Variants in KCNMA1 observed in about 807,000 individuals in gnomAD.
KCNMA1 encodes Calcium-activated potassium channel subunit alpha-1.
Under a neutral mutation model 140.0 loss-of-function variants are expected in KCNMA1, and 29 were observed. The ratio of observed to expected loss-of-function variants is 0.21; its 90% CI spans 0.15 to 0.28. The LOEUF (loss-of-function observed/expected upper bound fraction) is 0.28, where lower values mean the gene tolerates loss of function less well. KCNMA1 is among the 10% of genes least tolerant of loss of function. The pLI is 1.00. For synonymous variants in KCNMA1, 612 were observed against 611.9 expected, an observed-to-expected ratio of 1.00 and a Z score of 0.00; for missense variants, 880 against 1,602.2, an observed-to-expected ratio of 0.55 and a Z score of 7.70.
Position 77,039,883 on chromosome 10 carries a change from C to CTTTTTT in KCNMA1, c.1750-252_1750-247dup, listed in dbSNP as rs34943268. On this transcript the variant is annotated intron_variant, in intron 14 of 27. Transcript: ENST00000286628. Reference sequence around the variant, plus strand: ...TCTTTCCTTTTTCTTTTTTCTTTTTCTTTTTTTTTTTTTTTTTTTTTTTGA... The same window carrying CTTTTTT: ...TCTTTCCTTTTTCTTTTTTCTTTTTCTTTTTTTTTTTTTTTTTTTTTTTTTTTTTGA... Among the ~76,000 whole-genome samples, 197 of 78,968 alleles carry CTTTTTT rather than the reference C, an allele frequency of 2.5e-3. 2 individuals carry two copies. The highest frequency in any genetic ancestry group is 4.6e-3 in the South Asian group (8 of 1,740). The allele number at this position is 78,968 out of a possible 152,430, so 51.8% of individuals were successfully genotyped here. A position where few individuals can be genotyped will look rare whatever the true frequency, so the allele number is the denominator to read the frequency against.
chr10:77,210,201 A>G (rs2045599920), intron 3 of KCNMA1, among the ~76,000 whole-genome samples: 1 of 152,248 alleles, frequency 6.6e-6, no homozygotes, highest in South Asian at 2.1e-4. Flanking sequence ...TGGCACATCA[A>G]AAAGTTAATT....
chr10:77,304,316 A>C (rs1336226051), intron 2 of KCNMA1: 3 of 152,244 alleles, frequency 2.0e-5, no homozygotes, highest in Non-Finnish European at 4.4e-5. Context: ...GAGAGCCAAT[A>C]AGTGTGTCTT....
chr10:77,503,453 T>C (rs1484998287), intron 1 of KCNMA1, among the ~76,000 whole-genome samples: 2 of 152,174 alleles, frequency 1.3e-5, no homozygotes, highest in Non-Finnish European at 2.9e-5. Flanking sequence ...GGATTCTCCG[T>C]CCACCCAGCT....
chr10:77,200,898 C>G lies in KCNMA1; in HGVS notation c.603-15982G>C, dbSNP rs142659896. On this transcript the variant is annotated intron_variant, in intron 3 of 27. Coordinates refer to ENST00000286628, the MANE Select transcript of KCNMA1 (RefSeq NM_001161352.2). ...CTTCTGCTGCATCCACTATTAATTA[C>G]CTAAAGAACTTGGTTAGTCATACCG... 2.0e-5 allele frequency among the ~76,000 whole-genome samples: 3 copies of G among 152,200 alleles called. No homozygotes were observed. The East Asian group carries it at 5.8e-4, about 29-fold the overall frequency.
intron 2 of KCNMA1, among the ~76,000 whole-genome samples, chr10:77,324,858 T>C (rs2083426226): frequency 6.6e-6 from 1 of 152,034 alleles, no homozygotes. Flanking sequence ...CTCCAAGTTA[T>C]CTGGGTTGGG....
intron 29 of KCNMA1, among the ~76,000 whole-genome samples, chr10:76,878,532 A>G (rs2033128851): frequency 6.6e-6 from 1 of 152,206 alleles, no homozygotes; most frequent in South Asian, 2.1e-4. Flanking sequence ...AATGTTTTAA[A>G]GAGGATTTTG....
At chr10:77,209,927 C>G (rs1291020346) in intron 3 of KCNMA1, among the ~76,000 whole-genome samples, 1 of 135,770 alleles carries the variant, frequency 7.4e-6, no homozygotes, top group East Asian at 2.0e-4. Flanking sequence ...AACCTACCAA[C>G]CAAAAAAAAA....
chr10:77,093,554 C>G (rs2096863661), intron 9 of KCNMA1, among the ~76,000 whole-genome samples: 1 of 152,174 alleles, frequency 6.6e-6, no homozygotes, highest in Non-Finnish European at 1.5e-5. Context: ...AGGAGATCTG[C>G]TTCCGCCAGC....
intron 20 of KCNMA1, among the ~76,000 whole-genome samples, chr10:76,968,484 T>C (rs1282912279): frequency 1.3e-5 from 2 of 152,208 alleles, no homozygotes; most frequent in Non-Finnish European, 2.9e-5. Flanking sequence ...CAGACTTCTC[T>C]TTATTTATTT....
intron 3 of KCNMA1, among the ~76,000 whole-genome samples, chr10:77,242,186 A>C (rs1439011219): frequency 6.6e-6 from 1 of 152,214 alleles, no homozygotes. Flanking sequence ...ATGCTTCTGG[A>C]AATTTCCAAA....
chr10:77,027,474 T>A (rs1191116903), intron 16 of KCNMA1, among the ~76,000 whole-genome samples: 1 of 152,166 alleles, frequency 6.6e-6, no homozygotes, highest in Non-Finnish European at 1.5e-5. Flanking sequence ...GTCCACCTGC[T>A]TTTTTGCTCA....
At chr10:76,969,775 C>G (rs2075453487) in intron 20 of KCNMA1, among the ~76,000 whole-genome samples, 199 bp downstream of exon 20, 3 of 152,176 alleles carry the variant, frequency 2.0e-5, no homozygotes, top group African/African-American at 7.2e-5. Flanking sequence ...AGAATTTTTT[C>G]AGCTCTATCA....
intron 24 of KCNMA1, chr10:76,914,367 C>T (rs1018205445): frequency 3.7e-6 from 2 of 542,424 alleles, no homozygotes; most frequent in Non-Finnish European, 6.5e-6. Context: ...GTCCAACCAA[C>T]ATGGCCCTCA....
intron 1 of KCNMA1, among the ~76,000 whole-genome samples, chr10:77,436,521 AAGCT>A (rs2097265312): frequency 6.6e-6 from 1 of 152,226 alleles, no homozygotes; most frequent in Non-Finnish European, 1.5e-5. Flanking sequence ...TTGGTTCGCC[AAGCT>A]TTGTGCTACA....
At chr10:76,902,186 T>C (rs190735276) in intron 25 of KCNMA1, 3 of 152,334 alleles carry the variant, frequency 2.0e-5, no homozygotes, top group Non-Finnish European at 4.4e-5. Context: ...GTGCTAGAAC[T>C]TCAAATGCCA....
At chr10:77,237,904 C>A (rs1473657840) in intron 3 of KCNMA1, among the ~76,000 whole-genome samples, 1 of 152,182 alleles carries the variant, frequency 6.6e-6, no homozygotes, top group Non-Finnish European at 1.5e-5. Context: ...AGCTCTGTGA[C>A]CTTCTACCCG....
chr10:77,613,548 G>A (rs2087888884), intron 1 of KCNMA1, among the ~76,000 whole-genome samples: 1 of 152,158 alleles, frequency 6.6e-6, no homozygotes, highest in Admixed American at 6.5e-5. Context: ...ACCGCAGGCC[G>A]GCTCACATAC....
intron 1 of KCNMA1, among the ~76,000 whole-genome samples, chr10:77,517,017 G>A (rs1336464340): frequency 1.3e-5 from 2 of 151,974 alleles, no homozygotes; most frequent in East Asian, 1.9e-4. Context: ...AAAACAAAAG[G>A]TGAGGGGAAG....
chr10:77,127,597 G>T (rs2097768759), intron 5 of KCNMA1, among the ~76,000 whole-genome samples: 1 of 152,110 alleles, frequency 6.6e-6, no homozygotes, highest in African/African-American at 2.4e-5. Context: ...AGGAAAGAAG[G>T]CATGAAGGCA....
Sources: gnomAD v4.1 joint callset for allele counts (sites outside exome capture counted in the v4.1 genomes callset) on GRCh38, gnomAD v4.1.1 for gene constraint, MANE v1.5 for transcripts, NCBI Gene and HGNC (gene_info 2026-07-23, HGNC 2026-07-21) for gene names.